The following DNAJC11 variants were observed in gnomAD, a reference collection of about 807,000 sequenced individuals.
DNAJC11 encodes the protein dnaJ homolog subfamily C member 11.
In DNAJC11, 15 loss-of-function variants were observed where a neutral mutation model predicts 78.6. The ratio of observed to expected loss-of-function variants is 0.19; its 90% CI spans 0.13 to 0.29. The LOEUF (loss-of-function observed/expected upper bound fraction) is 0.29, where lower values mean the gene tolerates loss of function less well. Among genes scored for constraint, DNAJC11 ranks in the 10% least tolerant of loss-of-function variants. The pLI is 1.00. For missense variants in DNAJC11, 547 were observed against 709.6 expected (o/e 0.77, Z 2.60); for synonymous variants, 292 against 272.1 (o/e 1.07, Z -0.72).
chr1:6,656,908 C>T (rs1209800487), intron 4 of DNAJC11, among the ~76,000 whole-genome samples: 1 of 151,720 alleles, frequency 6.6e-6, no homozygotes, highest in Non-Finnish European at 1.5e-5. Context: ...AGTATGAGAC[C>T]CTATCTCAAA....
intron 14 of DNAJC11, among the ~76,000 whole-genome samples, chr1:6,636,806 G>T (rs972585826): frequency 1.3e-5 from 2 of 152,106 alleles, no homozygotes; most frequent in Non-Finnish European, 2.9e-5. Flanking sequence ...CACTTTAAGG[G>T]GCCAGGCTGT....
At position 6,684,667 on chromosome 1, in the gene DNAJC11, A is replaced by G. The variant is rs996041942; in HGVS notation, c.73-3630T>C. On this transcript the variant is annotated intron_variant, in intron 1 of 15. Transcript: ENST00000377577. ...ATTGGTCCTTTCATTAAAACTGAATAGCTAAGGTCACTGGTTCGATATTTC... is the reference window on the plus strand; with the variant it reads ...ATTGGTCCTTTCATTAAAACTGAATGGCTAAGGTCACTGGTTCGATATTTC... 7.9e-5 allele frequency among the ~76,000 whole-genome samples: 12 copies of G among 152,196 alleles called. 1 individual carries two copies. The highest frequency in any genetic ancestry group is 7.2e-4 in the Admixed American group (11 of 15,272).
chr1:6,682,502 G>A (rs953305274), intron 1 of DNAJC11, among the ~76,000 whole-genome samples: 7 of 152,144 alleles, frequency 4.6e-5, no homozygotes, highest in African/African-American at 1.4e-4. Context: ...GCTGGGGCCC[G>A]GGTTCTGCTC....
chr1:6,686,977 T>C (rs551204151), intron 1 of DNAJC11, among the ~76,000 whole-genome samples: 1 of 152,214 alleles, frequency 6.6e-6, no homozygotes, highest in Non-Finnish European at 1.5e-5. Context: ...ATTACCACAA[T>C]TGAAGATTCA....
chr1:6,638,086 T>C, intron 12 of DNAJC11: 1 of 483,652 alleles, frequency 2.1e-6, no homozygotes, highest in African/African-American at 2.0e-5. Context: ...TACTCACCAC[T>C]TTAAAAAAGC....
At chr1:6,689,358 A>C (rs185501643) in intron 1 of DNAJC11, among the ~76,000 whole-genome samples, 1 of 152,308 alleles carries the variant, frequency 6.6e-6, no homozygotes. Flanking sequence ...TATGAAATGG[A>C]AAAGAATCAA....
In DNAJC11 at chr1:6,653,097, A is replaced by G. The variant is rs1459619511; in HGVS notation, c.508-146T>C. The G allele has an allele frequency of 6.5e-6, 6 of 918,532 alleles. No individual in the cohort carries two copies. Among genetic ancestry groups the G allele is most frequent in the Non-Finnish European group, 9.9e-6 (6 of 603,592 alleles). 56.9% of individuals were successfully genotyped at this position (918,532 alleles called of 1,614,324 possible). ...GCACACATGGATGCAGAACTGCCGC[A>G]ACAGCTTCACTTTTCTTCCGCTTTG... On this transcript the variant is annotated intron_variant, in intron 5 of 15. Coordinates refer to ENST00000377577, the MANE Select transcript of DNAJC11 (RefSeq NM_018198.4). This position sits in a 1 kb window ranked among gnomAD's most constrained non-coding sequence, Gnocchi z 4.5.
At chr1:6,678,602 A>G in intron 2 of DNAJC11, 135 bp from the exon 3 acceptor site, 2 of 695,768 alleles carry the variant, frequency 2.9e-6, no homozygotes, top group Non-Finnish European at 4.8e-6. Context: ...GACCCCTTTC[A>G]TTTTCTACAC....
At chr1:6,686,105 CAAT>C (rs1389244503) in intron 1 of DNAJC11, among the ~76,000 whole-genome samples, 3 of 152,106 alleles carry the variant, frequency 2.0e-5, no homozygotes, top group Non-Finnish European at 4.4e-5. Flanking sequence ...TATTTTACAA[CAAT>C]ATTTTAGCAA....
At chr1:6,684,872 T>C (rs1247559222) in intron 1 of DNAJC11, among the ~76,000 whole-genome samples, 1 of 152,332 alleles carries the variant, frequency 6.6e-6, no homozygotes, top group South Asian at 2.1e-4. Flanking sequence ...GGTTATATTT[T>C]CTGGATAGAC....
At chr1:6,697,185 C>T (rs868800208) in intron 1 of DNAJC11, among the ~76,000 whole-genome samples, 14 of 152,148 alleles carry the variant, frequency 9.2e-5, no homozygotes, top group Middle Eastern at 3.2e-3. Context: ...CAGTGTGAGG[C>T]AGGCACGACA....
rs1642299719 is a variant in DNAJC11 at position 6,666,684 on chromosome 1, G to A, written c.378+1025C>T. 2.6e-5 allele frequency among the ~76,000 whole-genome samples: 4 copies of A among 152,244 alleles called. No homozygotes were observed. In the South Asian group the frequency reaches 8.3e-4, roughly 32 times the overall value. ...CCCAAAGTGCTGGGATTATAGGAGT[G>A]AGCCACCGCACCCGGCCTATTCTAT... On this transcript the variant is annotated intron_variant, in intron 4 of 15. Transcript: ENST00000377577.
intron 1 of DNAJC11, among the ~76,000 whole-genome samples, chr1:6,691,260 A>G (rs1309190261): frequency 6.7e-6 from 1 of 150,032 alleles, no homozygotes; most frequent in African/African-American, 2.4e-5. Context: ...CAGGTCTTGC[A>G]GCACACATCT....
At chr1:6,635,921 T>G (rs984894505) in intron 15 of DNAJC11, among the ~76,000 whole-genome samples, 196 bp downstream of exon 15, 1 of 152,174 alleles carries the variant, frequency 6.6e-6, no homozygotes. Flanking sequence ...ATTCTACCTG[T>G]GAAAGGGCCC....
At chr1:6,664,388 T>C (rs1323230903) in intron 4 of DNAJC11, among the ~76,000 whole-genome samples, 2 of 152,026 alleles carry the variant, frequency 1.3e-5, no homozygotes, top group East Asian at 3.9e-4. Flanking sequence ...TACAGGCGCC[T>C]GCCACCACAC....
chr1:6,637,040 G>A (rs1570259854), intron 14 of DNAJC11, among the ~76,000 whole-genome samples, 158 bp downstream of exon 14: 1 of 152,294 alleles, frequency 6.6e-6, no homozygotes, highest in Non-Finnish European at 1.5e-5. Context: ...TGTAGAGATA[G>A]GGTTTTGCCA....
intron 1 of DNAJC11, among the ~76,000 whole-genome samples, chr1:6,689,852 T>G (rs1570313252): frequency 6.6e-6 from 1 of 151,736 alleles, no homozygotes; most frequent in Non-Finnish European, 1.5e-5. Flanking sequence ...AATGTGCAAC[T>G]GGCAAAGTGA....
intron 4 of DNAJC11, among the ~76,000 whole-genome samples, chr1:6,657,880 C>T (rs1424568227): frequency 3.9e-5 from 6 of 152,186 alleles, no homozygotes; most frequent in Non-Finnish European, 5.9e-5. Context: ...CTCCTGACCT[C>T]GTGATCTGCC....
chr1:6,679,135 C>T (rs529606314), intron 2 of DNAJC11, among the ~76,000 whole-genome samples: 22 of 152,170 alleles, frequency 1.4e-4, no homozygotes, highest in African/African-American at 4.3e-4. Context: ...ATTTCTGCCA[C>T]GGTGTATAAA....
Sources: allele counts gnomAD v4.1 joint callset (sites outside exome capture counted in the v4.1 genomes callset), GRCh38; gene constraint gnomAD v4.1.1; non-coding constraint Gnocchi (gnomAD v3.1); transcripts MANE v1.5; gene names NCBI Gene and HGNC (gene_info 2026-07-23, HGNC 2026-07-21).